METTL15: variants seen among roughly 807,000 people sequenced by gnomAD.
The protein encoded by METTL15 is methyltransferase 15, mitochondrial 12S rRNA N4-cytidine.
Under a neutral mutation model 38.3 loss-of-function variants are expected in METTL15, and 34 were observed. The observed-to-expected ratio is 0.89, with a 90% CI of 0.68 to 1.18. METTL15 has a LOEUF of 1.18. Among genes scored for constraint, METTL15 ranks in the 50% most tolerant of loss-of-function variants. The probability of loss-of-function intolerance (pLI) is 0.00; values close to 1 mark genes in which losing one functional copy is unlikely to be tolerated. For synonymous variants in METTL15, 162 were observed against 170.9 expected (o/e 0.95, Z 0.41); for missense variants, 438 against 498.4 (o/e 0.88, Z 1.15).
intron 4 of METTL15, among the ~76,000 whole-genome samples, chr11:28,251,351 T>C (rs999321897): frequency 1.3e-5 from 2 of 152,118 alleles, no homozygotes; most frequent in Non-Finnish European, 2.9e-5. Context: ...CAGTAAATTT[T>C]GTAAGTAAGA....
At chr11:28,476,899 A>G (rs1851351401) in intron 6 of METTL15, among the ~76,000 whole-genome samples, 1 of 152,216 alleles carries the variant, frequency 6.6e-6, no homozygotes, top group African/African-American at 2.4e-5. Flanking sequence ...ATAGAGAAGG[A>G]CCATAATAGA....
intron 6 of METTL15, among the ~76,000 whole-genome samples, chr11:28,424,635 TGAA>T (rs1359426205): frequency 1.3e-5 from 2 of 152,198 alleles, no homozygotes; most frequent in African/African-American, 4.8e-5. Context: ...TGTGTGATGG[TGAA>T]GAAGGTGACC....
intron 3 of METTL15, among the ~76,000 whole-genome samples, chr11:28,121,843 T>A (rs184946240): frequency 5.7e-4 from 87 of 152,206 alleles, no homozygotes; most frequent in Non-Finnish European, 1.1e-3. Context: ...TGCAATATTT[T>A]AAGAGTGGCA....
chr11:28,374,339 A>C lies in METTL15; in HGVS notation c.*358+12303A>C, dbSNP rs548415292. On this transcript the variant is annotated intron_variant and NMD_transcript_variant, in intron 5 of 7. Transcript: ENST00000532947. ...ATTTGTTTGTATCCTCTTTTATTTC[A>C]TTGAGCAGCGGTTTGTAGCTCTCCT... Among the ~76,000 whole-genome samples the C allele has an allele frequency of 1.5e-4, 23 of 152,054 alleles. No homozygotes were observed. The South Asian group carries it at 4.6e-3, about 30-fold the overall frequency.
intron 3 of METTL15, among the ~76,000 whole-genome samples, chr11:28,116,237 GATATA>G (rs1020289081): frequency 5.9e-5 from 9 of 151,958 alleles, no homozygotes; most frequent in Non-Finnish European, 1.2e-4. Context: ...AATGTTGGTT[GATATA>G]ATATTGAAAA....
At chr11:28,396,881 A>G (rs1850575432) in intron 5 of METTL15, among the ~76,000 whole-genome samples, 1 of 152,230 alleles carries the variant, frequency 6.6e-6, no homozygotes, top group Non-Finnish European at 1.5e-5. Context: ...TGGTACTGGT[A>G]CAACAACAGA....
intron 5 of METTL15, among the ~76,000 whole-genome samples, chr11:28,291,317 A>T (rs1353416589): frequency 1.3e-5 from 2 of 152,128 alleles, no homozygotes; most frequent in South Asian, 2.1e-4. Flanking sequence ...AAATGCTGGG[A>T]TTATAGGCGT....
chr11:28,233,189 C>G (rs1426360434), intron 4 of METTL15, among the ~76,000 whole-genome samples: 1 of 151,900 alleles, frequency 6.6e-6, no homozygotes, highest in African/African-American at 2.4e-5. Context: ...ATAGAGTGCA[C>G]TATAAATCAA....
chr11:28,301,190 G>C (rs1191839161), intron 6 of METTL15, among the ~76,000 whole-genome samples: 1 of 151,976 alleles, frequency 6.6e-6, no homozygotes, highest in Non-Finnish European at 1.5e-5. Context: ...AGTTCTTATA[G>C]TCTTTCCAGC....
chr11:28,138,971 C>T (rs1849607211), intron 3 of METTL15, among the ~76,000 whole-genome samples: 1 of 152,068 alleles, frequency 6.6e-6, no homozygotes, highest in South Asian at 2.1e-4. Context: ...TCCTTTTTTC[C>T]ATTAATCCAG....
chr11:28,427,489 T>G (rs1373562938), intron 6 of METTL15, among the ~76,000 whole-genome samples: 1 of 152,224 alleles, frequency 6.6e-6, no homozygotes, highest in Non-Finnish European at 1.5e-5. Flanking sequence ...GGTAGTTTAA[T>G]GGGAATAGCA....
At chr11:28,375,751 G>A (rs1375562079) in intron 5 of METTL15, among the ~76,000 whole-genome samples, 5 of 151,924 alleles carry the variant, frequency 3.3e-5, no homozygotes, top group African/African-American at 7.3e-5. Flanking sequence ...TCTTTTAATT[G>A]TGATGTTAGG....
chr11:28,345,966 T>G (rs113415573), intron 3 of METTL15, among the ~76,000 whole-genome samples: 162 of 152,330 alleles, frequency 1.1e-3, no homozygotes, highest in African/African-American at 3.8e-3. Context: ...ACATAGAAAT[T>G]CTTCACCGCC....
At chr11:28,521,379 A>G (rs926067117) in intron 6 of METTL15, among the ~76,000 whole-genome samples, 27 of 152,370 alleles carry the variant, frequency 1.8e-4, no homozygotes, top group African/African-American at 6.3e-4. Context: ...AGAAAAGCCA[A>G]AAGAGCACTA....
chr11:28,163,541 C>G lies in METTL15; in HGVS notation c.271-47521C>G, dbSNP rs1015687949. ...CTTCTTCTTACTGATCTCTCTCTCT[C>G]TCTCTCTCTCTGTGTGTGTGTGTGT... On this transcript the variant is annotated intron_variant, in intron 3 of 6. Transcript: ENST00000407364. 21 of 397,536 alleles carry G rather than the reference C, an allele frequency of 5.3e-5. No individual in the cohort carries two copies. The East Asian group carries it at 7.5e-4, about 14-fold the overall frequency. 24.6% of individuals were successfully genotyped at this position (397,536 alleles called of 1,614,324 possible). A position where few individuals can be genotyped will look rare whatever the true frequency, so the allele number is the denominator to read the frequency against.
At chr11:28,192,922 T>C (rs1851751678) in intron 3 of METTL15, among the ~76,000 whole-genome samples, 1 of 152,130 alleles carries the variant, frequency 6.6e-6, no homozygotes, top group Non-Finnish European at 1.5e-5. Context: ...AGCTAAGTTG[T>C]TGACTTTATG....
At chr11:28,520,006 G>A (rs2133510546) in intron 6 of METTL15, among the ~76,000 whole-genome samples, 1 of 152,294 alleles carries the variant, frequency 6.6e-6, no homozygotes, top group South Asian at 2.1e-4. Context: ...ACTGGGGAAG[G>A]AAGATAGGAA....
At chr11:28,419,696 G>A (rs1850803756) in intron 5 of METTL15, among the ~76,000 whole-genome samples, 1 of 152,160 alleles carries the variant, frequency 6.6e-6, no homozygotes, top group South Asian at 2.1e-4. Context: ...ATCCTGGACA[G>A]ACAGAGATAT....
At chr11:28,286,673 C>T (rs548704129) in intron 4 of METTL15, among the ~76,000 whole-genome samples, 3 of 151,966 alleles carry the variant, frequency 2.0e-5, no homozygotes, top group Non-Finnish European at 2.9e-5. Flanking sequence ...AATGTTCAAA[C>T]GTGAGCTGAG....
Sources: gnomAD v4.1 joint callset for allele counts (sites outside exome capture counted in the v4.1 genomes callset) on GRCh38, gnomAD v4.1.1 for gene constraint, MANE v1.5 for transcripts, NCBI Gene and HGNC (gene_info 2026-07-23, HGNC 2026-07-21) for gene names.